ZNF780B: variants seen among roughly 807,000 people sequenced by gnomAD.
ZNF780B encodes zinc finger protein 779.
In ZNF780B, 52 loss-of-function variants were observed where a neutral mutation model predicts 74.1. The ratio of observed to expected loss-of-function variants is 0.70; its 90% confidence interval spans 0.56 to 0.88. ZNF780B has a LOEUF of 0.88. Ranked by LOEUF, ZNF780B falls within the 40% of genes least tolerant of loss-of-function variation. The pLI, the probability that ZNF780B is intolerant of heterozygous loss-of-function variation, is 0.00. For synonymous variants in ZNF780B, 315 were observed against 324.3 expected (o/e 0.97, Z 0.31); for missense variants, 953 against 1,007.6 (o/e 0.95, Z 0.73).
chr19:40,037,845 G>A (rs537013519), intron 4 of ZNF780B, among the ~76,000 whole-genome samples: 73 of 148,042 alleles, frequency 4.9e-4, no homozygotes, highest in South Asian at 1.1e-3. Flanking sequence ...GAATCGTCTG[G>A]CTTTGCTCTT....
At position 40,035,883 on chromosome 19, in the gene ZNF780B, T is replaced by C. The variant is rs1349925742; in HGVS notation, c.976A>G (p.Ile326Val). 1.4e-5 allele frequency: 23 copies of C among 1,613,612 alleles called. No individual in the cohort carries two copies. Among genetic ancestry groups the C allele is most frequent in the Non-Finnish European group, 1.9e-5 (23 of 1,179,892 alleles). ...TCAAAGGGTTTCTCGCCAGTATGAATTCGGCAATGTTCAATGAGTTGGTAA... is the reference window on the plus strand; with the variant it reads ...TCAAAGGGTTTCTCGCCAGTATGAACTCGGCAATGTTCAATGAGTTGGTAA... ...YHYQLIEHCR[I>V]HTGEKPFECK... The change falls in exon 5 of 5, where the codon ATT becomes GTT. Residue 326 changes from isoleucine to valine, a missense_variant. Ile to Val is a conservative substitution (Grantham distance 29, BLOSUM62 3). Transcript: ENST00000434248.
In ZNF780B at chr19:40,030,493, A is replaced by C. The variant is rs1211720742; in HGVS notation, c.*3864T>G. 1 of 152,210 alleles carries C rather than the reference A, an allele frequency of 6.6e-6. No individual in the cohort carries two copies. The highest frequency in any genetic ancestry group is 1.5e-5 in the Non-Finnish European group (1 of 68,038). 9.4% of individuals were successfully genotyped at this position (152,210 alleles called of 1,614,324 possible). On this transcript the variant is annotated 3_prime_UTR_variant, in exon 5 of 5. Coordinates refer to ENST00000434248, the MANE Select transcript of ZNF780B (RefSeq NM_001005851.3). ...TTCAATATGAGATTTGGAGGGGATA[A>C]ATATCCAAACTATAGCAGCATATCA...
intron 4 of ZNF780B, among the ~76,000 whole-genome samples, chr19:40,046,047 T>A (rs929839598): frequency 6.6e-6 from 1 of 151,666 alleles, no homozygotes; most frequent in Non-Finnish European, 1.5e-5. Context: ...TAAAAAAAGA[T>A]CTCACAGAGG....
chr19:40,034,585 A>G lies in ZNF780B; in HGVS notation c.2274T>C (p.Cys758=), dbSNP rs755240668. 6.2e-7 allele frequency: 1 copy of G among 1,614,056 alleles called. No homozygotes were observed. The highest frequency in any genetic ancestry group is 2.2e-5 in the East Asian group (1 of 44,862). ...TTGAGCCACGATTAAAGGCCTTCCC[A>G]CACTCCTTACATTTAAATGGCTTCT... is the stretch of plus-strand genomic sequence containing the variant. The part of the protein sequence containing the change: ...TGEKPFKCKE[C]GKAFNRGSNL... Residue 758 remains cysteine, a synonymous_variant, in exon 5 of 5, where the codon TGT becomes TGC. Coordinates refer to ENST00000434248, the MANE Select transcript of ZNF780B (RefSeq NM_001005851.3).
At chr19:40,042,045 C>T (rs1363627249) in intron 4 of ZNF780B, among the ~76,000 whole-genome samples, 25 of 152,096 alleles carry the variant, frequency 1.6e-4, no homozygotes, top group Admixed American at 1.6e-3. Flanking sequence ...TGGCTGGCAC[C>T]GGTTGTTCCT....
chr19:40,040,078 A>T (rs1181396776), intron 4 of ZNF780B, among the ~76,000 whole-genome samples: 1 of 152,222 alleles, frequency 6.6e-6, no homozygotes, highest in Non-Finnish European at 1.5e-5. Context: ...ATTTTGAGAT[A>T]CATCCCATCA....
chr19:40,043,040 CT>C (rs906296523), intron 4 of ZNF780B, among the ~76,000 whole-genome samples: 108 of 151,870 alleles, frequency 7.1e-4, no homozygotes, highest in African/African-American at 2.5e-3. Context: ...GTTTTATCTA[CT>C]TTTGGTCTTT....
rs778505356 is a variant in ZNF780B, at chr19:40,029,061, C to G, written c.*5296G>C. On this transcript the variant is annotated 3_prime_UTR_variant, in exon 5 of 5. Coordinates refer to ENST00000434248, the MANE Select transcript of ZNF780B (RefSeq NM_001005851.3). ...GGGCCTAATAAATAACAGATCCTGACCCACTGAGGAATCCTGGAGATGGTT... is the reference window on the plus strand; with the variant it reads ...GGGCCTAATAAATAACAGATCCTGAGCCACTGAGGAATCCTGGAGATGGTT... 5 of 152,136 alleles carry G rather than the reference C, an allele frequency of 3.3e-5. No homozygotes were observed. Among genetic ancestry groups the G allele is most frequent in the Non-Finnish European group, 7.3e-5 (5 of 68,028 alleles). 9.4% of individuals were successfully genotyped at this position (152,136 alleles called of 1,614,324 possible).
In ZNF780B at chr19:40,032,717, C is replaced by CA. The variant is rs34975062; in HGVS notation, c.*1639dup. On this transcript the variant is annotated 3_prime_UTR_variant, in exon 5 of 5. Transcript: ENST00000434248. The stretch of plus-strand genomic sequence containing the variant: ...TGGGCGACAGAGCGAGACTCCATCT[C>CA]AAAAAAAAAAAAAAAAAAAGAGAAA... 2,908 of 57,810 alleles carry CA rather than the reference C, an allele frequency of 0.05. 60 individuals carry two copies. The highest frequency in any genetic ancestry group is 0.061 in the African/African-American group (1,359 of 22,214). 3.6% of individuals were successfully genotyped at this position (57,810 alleles called of 1,614,324 possible).
At chr19:40,050,220 AAAAT>A in intron 2 of ZNF780B, 100 bp downstream of exon 2, 8 of 1,173,396 alleles carry the variant, frequency 6.8e-6, no homozygotes, top group Non-Finnish European at 4.7e-6. Context: ...AAAAAAAAAA[AAAAT>A]CGTGGATCCT....
At chr19:40,038,747 C>A (rs1468741735) in intron 4 of ZNF780B, among the ~76,000 whole-genome samples, 1 of 152,184 alleles carries the variant, frequency 6.6e-6, no homozygotes, top group Non-Finnish European at 1.5e-5. Flanking sequence ...CCTTCGCCCA[C>A]TTTTTGATGG....
chr19:40,038,795 T>C (rs1972486667), intron 4 of ZNF780B, among the ~76,000 whole-genome samples: 2 of 151,856 alleles, frequency 1.3e-5, no homozygotes, highest in African/African-American at 4.8e-5. Flanking sequence ...GAGTTCATTG[T>C]AGATTCTGGA....
chr19:40,049,233 CAAAAA>C (rs35460563), intron 2 of ZNF780B, among the ~76,000 whole-genome samples: 1 of 35,148 alleles, frequency 2.8e-5, no homozygotes, highest in Non-Finnish European at 6.7e-5. Context: ...GACCCTATCT[CAAAAA>C]AAAAAAAAAA....
intron 3 of ZNF780B, 89 bp from the exon 4 acceptor site, chr19:40,047,559 C>A: frequency 5.1e-6 from 4 of 776,714 alleles, no homozygotes; most frequent in South Asian, 2.0e-5. Context: ...TAATAAATTA[C>A]AAGCCAAAAC....
intron 1 of ZNF780B, among the ~76,000 whole-genome samples, chr19:40,050,830 G>T (rs556433697): frequency 6.6e-6 from 1 of 152,244 alleles, no homozygotes; most frequent in Non-Finnish European, 1.5e-5. Flanking sequence ...GTGGGGCAAG[G>T]CATGAGAACT....
Position 40,035,723 on chromosome 19 carries a change from T to C in ZNF780B, c.1136A>G (p.His379Arg), listed in dbSNP as rs764842102. 3.1e-6 allele frequency: 5 copies of C among 1,614,216 alleles called. No homozygotes were observed. Among genetic ancestry groups the C allele is most frequent in the Admixed American group, 3.3e-5 (2 of 60,026 alleles). The stretch of plus-strand genomic sequence containing the variant: ...TTTTTCACCTGTGTGAATATTCTTA[T>C]GGCGATTAAGCTGATTGAGGAGACT... ...AFSLLNQLNR[H>R]KNIHTGEKPF... Residue 379 changes from histidine (H) to arginine (R), a missense_variant, in exon 5 of 5, where the codon CAT becomes CGT. Physicochemically the swap from His to Arg is conservative, Grantham distance 29. Transcript: ENST00000434248.
At chr19:40,048,261 C>T (rs1020858858) in intron 3 of ZNF780B, among the ~76,000 whole-genome samples, 2 of 152,148 alleles carry the variant, frequency 1.3e-5, no homozygotes, top group Non-Finnish European at 2.9e-5. Context: ...CATAGAGGCT[C>T]TTTTAATAGA....
intron 1 of ZNF780B, 52 bp from the exon 2 acceptor site, chr19:40,050,429 A>T: frequency 2.7e-6 from 4 of 1,463,808 alleles, no homozygotes; most frequent in Non-Finnish European, 9.3e-7. Flanking sequence ...GTCCGAAAGC[A>T]CTAGAACGAA....
At chr19:40,047,977 A>G (rs188758843) in intron 3 of ZNF780B, among the ~76,000 whole-genome samples, 46 of 152,320 alleles carry the variant, frequency 3.0e-4, no homozygotes, top group African/African-American at 1.1e-3. Context: ...AGACATTTAC[A>G]GCTCATTTTA....
Sources: gnomAD v4.1 joint callset for allele counts (sites outside exome capture counted in the v4.1 genomes callset) on GRCh38, gnomAD v4.1.1 for gene constraint, MANE v1.5 for transcripts, NCBI Gene and HGNC (gene_info 2026-07-23, HGNC 2026-07-21) for gene names.